Variants in MMS22L observed in about 807,000 individuals in gnomAD.
The protein encoded by MMS22L is MMS22 like, DNA repair protein.
A neutral mutation model predicts 159.1 loss-of-function variants in MMS22L; 74 were observed. That is an observed-to-expected ratio of 0.47 (90% CI 0.39 to 0.56). The LOEUF (loss-of-function observed/expected upper bound fraction) is 0.56. MMS22L is among the 20% of genes least tolerant of loss of function. The pLI is 0.00. For synonymous variants in MMS22L, 517 were observed against 506.9 expected (o/e 1.02, Z -0.27); for missense variants, 1,351 against 1,422.1 (o/e 0.95, Z 0.80).
chr6:97,270,343 G>C lies in MMS22L; in HGVS notation c.607-351C>G, dbSNP rs145830355. ...TTTCATAATTTTGTTTTAGAATTTA[G>C]CTAGGAAATTTTTTTTAATGTATGA... On this transcript the variant is annotated intron_variant, in intron 6 of 24. Coordinates refer to ENST00000683635, the MANE Select transcript of MMS22L (RefSeq NM_001350599.2). The C allele has an allele frequency of 2.1e-3, 972 of 455,034 alleles. 2 individuals are homozygous for C. The highest frequency in any genetic ancestry group is 3.6e-3 in the Non-Finnish European group (820 of 229,908). 28.2% of individuals were successfully genotyped at this position (455,034 alleles called of 1,614,324 possible).
At position 97,162,174 on chromosome 6, in the gene MMS22L, A is replaced by T. The variant is rs547347936; in HGVS notation, c.3222-9T>A. 4 of 1,585,028 alleles carry T rather than the reference A, an allele frequency of 2.5e-6. No individual in the cohort carries two copies. In the African/African-American group the frequency reaches 5.5e-5, roughly 22 times the overall value. On this transcript the variant is annotated splice_polypyrimidine_tract_variant and intron_variant, in intron 21 of 24. Coordinates refer to ENST00000683635, the MANE Select transcript of MMS22L (RefSeq NM_001350599.2). ...ACTCAAGGTAGGATTTCCTGAAAAG[A>T]AGCAAAATTTGTTTATTCTCTGCTT...
Position 97,146,784 on chromosome 6 carries a change from A to G in MMS22L, c.*22T>C, listed in dbSNP as rs776543154. 3 of 1,472,296 alleles carry G rather than the reference A, an allele frequency of 2.0e-6. No homozygotes were observed. The highest frequency in any genetic ancestry group is 4.1e-5 in the Admixed American group (2 of 48,880). The allele number at this position is 1,472,296 out of a possible 1,614,324, so 91.2% of individuals were successfully genotyped here. ...GGCTTTAGATACTGATAATTAATAG[A>G]CAGGATGAATCACAAAATATATTAA... is the stretch of plus-strand genomic sequence containing the variant. On this transcript the variant is annotated 3_prime_UTR_variant, in exon 25 of 25. Transcript: ENST00000683635.
chr6:97,224,204 G>GAA (rs1809968175), intron 14 of MMS22L, among the ~76,000 whole-genome samples: 1 of 152,084 alleles, frequency 6.6e-6, no homozygotes, highest in African/African-American at 2.4e-5. Context: ...GCAGTTACAA[G>GAA]AAACTCTTCC....
At chr6:97,217,420 A>AT (rs1258586799) in intron 14 of MMS22L, among the ~76,000 whole-genome samples, 2 of 151,630 alleles carry the variant, frequency 1.3e-5, no homozygotes, top group African/African-American at 4.9e-5. Flanking sequence ...CGCCCAGCTA[A>AT]TTTTTTGTAT....
At chr6:97,173,815 G>T (rs997411929) in intron 18 of MMS22L, among the ~76,000 whole-genome samples, 2 of 152,046 alleles carry the variant, frequency 1.3e-5, no homozygotes, top group Non-Finnish European at 1.5e-5. Context: ...AATGTGAGGT[G>T]AATCAGTAAG....
At chr6:97,271,614 A>T (rs1255781215) in intron 6 of MMS22L, 1 of 152,222 alleles carries the variant, frequency 6.6e-6, no homozygotes, top group Non-Finnish European at 1.5e-5. Flanking sequence ...ACATATATTG[A>T]TCTCTGATGA....
At position 97,178,433 on chromosome 6, in the gene MMS22L, T is replaced by C. The variant is rs372197174; in HGVS notation, c.2679+10A>G. ...TAATCTGGACAATTATACTAATAAA[T>C]GACAAATACCTCAAAGAATCGAACA... On this transcript the variant is annotated intron_variant, in intron 18 of 24. Transcript: ENST00000683635. 7.2e-6 allele frequency: 11 copies of C among 1,523,942 alleles called. 1 individual carries two copies. Among genetic ancestry groups the C allele is most frequent in the Admixed American group, 6.4e-5 (3 of 46,878 alleles). The allele number at this position is 1,523,942 out of a possible 1,614,324, so 94.4% of individuals were successfully genotyped here. A position where few individuals can be genotyped will look rare whatever the true frequency, so the allele number is the denominator to read the frequency against.
intron 14 of MMS22L, among the ~76,000 whole-genome samples, chr6:97,213,596 G>T (rs1442614539): frequency 1.3e-5 from 2 of 152,078 alleles, no homozygotes; most frequent in African/African-American, 4.8e-5. Context: ...TTTAGGAAAA[G>T]AATGAGTTTC....
chr6:97,177,908 C>T (rs760764382), intron 18 of MMS22L, among the ~76,000 whole-genome samples: 11 of 152,118 alleles, frequency 7.2e-5, no homozygotes, highest in Non-Finnish European at 8.8e-5. Flanking sequence ...AACACTCTCA[C>T]ATAGATAAAT....
chr6:97,256,370 A>C (rs1813811813), intron 9 of MMS22L, among the ~76,000 whole-genome samples: 1 of 152,018 alleles, frequency 6.6e-6, no homozygotes, highest in Non-Finnish European at 1.5e-5. Flanking sequence ...AATTCCAATA[A>C]ATTATATTAC....
chr6:97,187,457 C>A (rs1454333410), intron 14 of MMS22L, among the ~76,000 whole-genome samples: 1 of 152,084 alleles, frequency 6.6e-6, no homozygotes, highest in African/African-American at 2.4e-5. Flanking sequence ...ATGTTGTGCA[C>A]CCACTGATAA....
At chr6:97,205,460 T>C (rs2127916022) in intron 14 of MMS22L, among the ~76,000 whole-genome samples, 1 of 152,262 alleles carries the variant, frequency 6.6e-6, no homozygotes, top group Admixed American at 6.5e-5. Flanking sequence ...TCCAATCCTT[T>C]CTAGTCTAAA....
intron 20 of MMS22L, among the ~76,000 whole-genome samples, chr6:97,167,255 C>G (rs1803048934): frequency 6.6e-6 from 1 of 152,136 alleles, no homozygotes. Flanking sequence ...GAACTACTAT[C>G]TACGCAGATA....
intron 9 of MMS22L, chr6:97,261,530 A>G (rs561172118): frequency 6.6e-6 from 1 of 152,344 alleles, no homozygotes; most frequent in Non-Finnish European, 1.5e-5. Flanking sequence ...TATAATACAT[A>G]CAACATACAA....
At chr6:97,193,510 T>C (rs1479623281) in intron 14 of MMS22L, among the ~76,000 whole-genome samples, 1 of 152,188 alleles carries the variant, frequency 6.6e-6, no homozygotes, top group Non-Finnish European at 1.5e-5. Context: ...CTTAAGTTTT[T>C]CAGTTACGTT....
In MMS22L at chr6:97,151,617, A is replaced by C. The variant is rs961722824; in HGVS notation, c.3482+154T>G. The C allele has an allele frequency of 2.8e-5, 17 of 608,562 alleles. 1 individual carries two copies. The highest frequency in any genetic ancestry group is 2.8e-5 in the Admixed American group (1 of 35,174). The allele number at this position is 608,562 out of a possible 1,614,324, so 37.7% of individuals were successfully genotyped here. ...CTTTTATTTTTCAATAAAACATCAC[A>C]GTGTAACAAAACTACTGCCAAAAAT... On this transcript the variant is annotated intron_variant, in intron 23 of 24. Transcript: ENST00000683635.
At chr6:97,260,240 A>AT (rs1814311772) in intron 9 of MMS22L, 2 of 152,142 alleles carry the variant, frequency 1.3e-5, no homozygotes, top group South Asian at 4.1e-4. Flanking sequence ...TCCTTTGATT[A>AT]TAGTTTTTAA....
intron 21 of MMS22L, among the ~76,000 whole-genome samples, chr6:97,164,434 T>C (rs1282912873): frequency 6.6e-6 from 1 of 151,806 alleles, no homozygotes; most frequent in Non-Finnish European, 1.5e-5. Flanking sequence ...ACAAAACATT[T>C]TTTATTACTG....
In MMS22L at chr6:97,173,066, T is replaced by C. The variant is rs2128256240; in HGVS notation, c.2836A>G (p.Met946Val). 1 of 1,608,922 alleles carries C rather than the reference T, an allele frequency of 6.2e-7. No homozygotes were observed. Among genetic ancestry groups the C allele is most frequent in the Admixed American group, 1.7e-5 (1 of 58,676 alleles). The change falls in exon 19 of 25, where the codon ATG becomes GTG. Residue 946 changes from methionine (M) to valine (V), a missense_variant. Physicochemically the swap from Met to Val is conservative, Grantham distance 21. Transcript: ENST00000683635. Reference sequence around the variant, plus strand: ...AAATAATGCCAGGAATACATACCCATCATTCCATAAGTCAGCTGCAGCCCT... The same window carrying C: ...AAATAATGCCAGGAATACATACCCACCATTCCATAAGTCAGCTGCAGCCCT... Reference protein sequence around the residue: ...SAGLQLTYGMMGILVKSWAQI... With the variant: ...SAGLQLTYGMVGILVKSWAQI...
Sources: allele counts gnomAD v4.1 joint callset (sites outside exome capture counted in the v4.1 genomes callset), GRCh38; gene constraint gnomAD v4.1.1; transcripts MANE v1.5; gene names NCBI Gene and HGNC (gene_info 2026-07-23, HGNC 2026-07-21).